MDGA2: variants seen among roughly 807,000 people sequenced by gnomAD.
MDGA2 encodes MAM domain-containing glycosylphosphatidylinositol anchor protein 2.
In MDGA2, 40 loss-of-function variants were observed where a neutral mutation model predicts 117.8. The ratio of observed to expected loss-of-function variants is 0.34; its 90% CI spans 0.26 to 0.44. The LOEUF (loss-of-function observed/expected upper bound fraction) is 0.44. Among genes scored for constraint, MDGA2 ranks in the 20% least tolerant of loss-of-function variants. MDGA2 has a pLI of 1.00. For synonymous variants in MDGA2, 452 were observed against 439.0 expected, an observed-to-expected ratio of 1.03 and a Z score of -0.37; for missense variants, 1,123 against 1,250.6, an observed-to-expected ratio of 0.90 and a Z score of 1.54.
intron 14 of MDGA2, among the ~76,000 whole-genome samples, chr14:46,866,814 G>A (rs1881784855): frequency 6.6e-6 from 1 of 152,146 alleles, no homozygotes; most frequent in African/African-American, 2.4e-5. Flanking sequence ...CTGGCCATCA[G>A]AGAAATGCAA....
At chr14:47,568,510 A>G (rs1254037628) in intron 1 of MDGA2, among the ~76,000 whole-genome samples, 1 of 152,234 alleles carries the variant, frequency 6.6e-6, no homozygotes, top group African/African-American at 2.4e-5. Flanking sequence ...ATGTCTTTAG[A>G]GAAGGTGGCA....
intron 1 of MDGA2, among the ~76,000 whole-genome samples, chr14:47,383,677 T>C (rs1210686863): frequency 6.6e-6 from 1 of 151,976 alleles, no homozygotes; most frequent in Non-Finnish European, 1.5e-5. Context: ...TATTTGAGAG[T>C]ACAGGCACCT....
At chr14:47,060,928 AATTTT>A (rs1438408984) in intron 7 of MDGA2, among the ~76,000 whole-genome samples, 1 of 151,954 alleles carries the variant, frequency 6.6e-6, no homozygotes, top group Non-Finnish European at 1.5e-5. Context: ...TTTGTTGTTT[AATTTT>A]ATTAATATAA....
intron 14 of MDGA2, among the ~76,000 whole-genome samples, chr14:46,857,675 G>A (rs1594998291): frequency 6.6e-6 from 1 of 151,982 alleles, no homozygotes; most frequent in South Asian, 2.1e-4. Flanking sequence ...TTTTTTAAGA[G>A]ATGGGGTCTT....
chr14:47,110,880 G>T (rs1880999048), intron 5 of MDGA2, among the ~76,000 whole-genome samples: 1 of 152,090 alleles, frequency 6.6e-6, no homozygotes, highest in Admixed American at 6.6e-5. Context: ...CACATCAGGG[G>T]ATTAATTAGC....
At chr14:46,867,008 G>C (rs1229265628) in intron 14 of MDGA2, among the ~76,000 whole-genome samples, 2 of 152,082 alleles carry the variant, frequency 1.3e-5, no homozygotes, top group Non-Finnish European at 2.9e-5. Context: ...TCTAGAACTA[G>C]AAATACCATT....
chr14:47,063,738 A>G lies in MDGA2; in HGVS notation c.1196-2160T>C, dbSNP rs886686773. ...TTAAGATTACAATTTTGAAAGTTTTATTATTGCATATAATAATTTATTAAT... is the reference window on the plus strand; with the variant it reads ...TTAAGATTACAATTTTGAAAGTTTTGTTATTGCATATAATAATTTATTAAT... On this transcript the variant is annotated intron_variant, in intron 6 of 16. Transcript: ENST00000399232. Among the ~76,000 whole-genome samples, 4 of 151,836 alleles carry G rather than the reference A, an allele frequency of 2.6e-5. No homozygotes were observed. In the East Asian group the frequency reaches 7.7e-4, roughly 29 times the overall value.
In MDGA2 at chr14:47,301,546, A is replaced by T; in HGVS notation, c.285T>A (p.Pro95=). 1 of 1,551,648 alleles carries T rather than the reference A, an allele frequency of 6.4e-7. No homozygotes were observed. Among genetic ancestry groups the T allele is most frequent in the Non-Finnish European group, 8.7e-7 (1 of 1,146,950 alleles). Residue 95 remains proline, a synonymous_variant, in exon 2 of 17, where the codon CCT becomes CCA. Coordinates refer to ENST00000399232, the MANE Select transcript of MDGA2 (RefSeq NM_001113498.3). ...EGISGQGVYA[P]PTVRIVHSGL... Reference sequence around the variant, plus strand: ...CTGAGTGCACAATACGAACCGTGGGAGGAGCTGTCGAGTCAGGAAGAAGAG... The same window carrying T: ...CTGAGTGCACAATACGAACCGTGGGTGGAGCTGTCGAGTCAGGAAGAAGAG...
Position 47,018,733 on chromosome 14 carries a change from G to GAAAAAAAAA in MDGA2, c.1819+16269_1819+16277dup, listed in dbSNP as rs60442845. 4.9e-3 allele frequency among the ~76,000 whole-genome samples: 191 copies of GAAAAAAAAA among 38,652 alleles called. 21 individuals carry two copies. Among genetic ancestry groups the GAAAAAAAAA allele is most frequent in the Non-Finnish European group, 7.3e-3 (146 of 20,126 alleles). The allele number at this position is 38,652 out of a possible 152,430, so 25.4% of individuals were successfully genotyped here. ...ACTGTAAGGCTCAAGCCATTTTACTGAAAAAAAAAAAAAAAAAAAAAAAAA... is the reference window on the plus strand; with the variant it reads ...ACTGTAAGGCTCAAGCCATTTTACTGAAAAAAAAAAAAAAAAAAAAAAAAAAAAAAAAAA... On this transcript the variant is annotated intron_variant, in intron 8 of 16. Transcript: ENST00000399232.
chr14:47,490,282 TA>T (rs1790952975), intron 1 of MDGA2, among the ~76,000 whole-genome samples: 1 of 152,118 alleles, frequency 6.6e-6, no homozygotes, highest in Admixed American at 6.6e-5. Context: ...AGTTGAACTC[TA>T]CTGACTACCC....
At chr14:47,397,039 T>C (rs554748807) in intron 1 of MDGA2, among the ~76,000 whole-genome samples, 1 of 152,192 alleles carries the variant, frequency 6.6e-6, no homozygotes, top group Non-Finnish European at 1.5e-5. Context: ...CACGTATGTT[T>C]ATTGCAGCAC....
intron 2 of MDGA2, among the ~76,000 whole-genome samples, chr14:47,242,762 C>G (rs1044866850): frequency 1.3e-5 from 2 of 151,822 alleles, no homozygotes; most frequent in Non-Finnish European, 2.9e-5. Context: ...CGAGCCTCCC[C>G]GACGAGCACC....
At chr14:47,584,531 A>G (rs1896288150) in intron 1 of MDGA2, among the ~76,000 whole-genome samples, 1 of 151,826 alleles carries the variant, frequency 6.6e-6, no homozygotes, top group African/African-American at 2.4e-5. Flanking sequence ...TTTCTTAAAT[A>G]TCTTAAAAAC....
intron 2 of MDGA2, among the ~76,000 whole-genome samples, chr14:47,281,947 C>T (rs1318933689): frequency 1.3e-5 from 2 of 150,138 alleles, no homozygotes; most frequent in Admixed American, 6.7e-5. Flanking sequence ...CCCAGCTACT[C>T]GGGAGGCTGA....
chr14:47,256,567 C>T (rs1276679543), intron 2 of MDGA2, among the ~76,000 whole-genome samples: 2 of 152,096 alleles, frequency 1.3e-5, no homozygotes, highest in African/African-American at 4.8e-5. Flanking sequence ...ATCTTGCACA[C>T]TTAAAGAAGA....
At chr14:47,081,022 T>C (rs1194641609) in intron 6 of MDGA2, among the ~76,000 whole-genome samples, 1 of 152,184 alleles carries the variant, frequency 6.6e-6, no homozygotes, top group African/African-American at 2.4e-5. Flanking sequence ...TGTGCCTTCT[T>C]ACTCGTGTCT....
intron 1 of MDGA2, among the ~76,000 whole-genome samples, chr14:47,494,117 G>C (rs1894229748): frequency 6.6e-6 from 1 of 152,098 alleles, no homozygotes. Flanking sequence ...GTACATGTTT[G>C]CTTTCCCTTT....
chr14:46,863,431 A>G (rs1440606057), intron 14 of MDGA2, among the ~76,000 whole-genome samples: 1 of 152,178 alleles, frequency 6.6e-6, no homozygotes, highest in Non-Finnish European at 1.5e-5. Flanking sequence ...AGGATTAGGC[A>G]CACAGCCTGT....
At chr14:47,385,964 A>G (rs757292286) in intron 1 of MDGA2, among the ~76,000 whole-genome samples, 1 of 152,190 alleles carries the variant, frequency 6.6e-6, no homozygotes, top group Non-Finnish European at 1.5e-5. Context: ...CATATCCATT[A>G]GAGTATTTTT....
Sources: allele counts gnomAD v4.1 joint callset (sites outside exome capture counted in the v4.1 genomes callset), GRCh38; gene constraint gnomAD v4.1.1; transcripts MANE v1.5; gene names NCBI Gene and HGNC (gene_info 2026-07-23, HGNC 2026-07-21).